INPP4B: variants seen among roughly 807,000 people sequenced by gnomAD.
INPP4B encodes inositol polyphosphate-4-phosphatase type II B.
A neutral mutation model predicts 122.5 loss-of-function variants in INPP4B; 55 were observed. That is an observed-to-expected ratio of 0.45 (90% CI 0.36 to 0.56). The LOEUF (loss-of-function observed/expected upper bound fraction) is 0.56. Ranked by LOEUF, INPP4B falls within the 20% of genes least tolerant of loss-of-function variation. The pLI, the probability that INPP4B is intolerant of heterozygous loss-of-function variation, is 0.00. For missense variants in INPP4B, 1,000 were observed against 1,097.7 expected, an observed-to-expected ratio of 0.91 and a Z score of 1.26; for synonymous variants, 403 against 388.7, an observed-to-expected ratio of 1.04 and a Z score of -0.43.
At chr4:142,706,808 C>T (rs1762529121) in intron 2 of INPP4B, among the ~76,000 whole-genome samples, 1 of 152,242 alleles carries the variant, frequency 6.6e-6, no homozygotes, top group Non-Finnish European at 1.5e-5. Flanking sequence ...GAATACAGGC[C>T]TTGTCTAAAG....
At chr4:142,062,492 T>C (rs1473822894) in intron 25 of INPP4B, among the ~76,000 whole-genome samples, 1 of 152,192 alleles carries the variant, frequency 6.6e-6, no homozygotes, top group South Asian at 2.1e-4. Flanking sequence ...CAGCAGCACT[T>C]TGGGAGGCTG....
chr4:142,289,372 T>C (rs571900576), intron 9 of INPP4B, among the ~76,000 whole-genome samples: 60 of 152,360 alleles, frequency 3.9e-4, no homozygotes, highest in African/African-American at 1.4e-3. Context: ...ATCTTTCTTT[T>C]TTAAAATTTC....
At chr4:142,260,444 A>C (rs1216003771) in intron 11 of INPP4B, 48 bp downstream of exon 11, 1 of 1,156,782 alleles carries the variant, frequency 8.6e-7, no homozygotes. Context: ...ACATAAAATT[A>C]AAATTCATTT....
At chr4:142,605,427 G>A (rs1403073691) in intron 2 of INPP4B, among the ~76,000 whole-genome samples, 3 of 151,756 alleles carry the variant, frequency 2.0e-5, no homozygotes, top group African/African-American at 7.3e-5. Flanking sequence ...TAGACAAATG[G>A]GACTATATTA....
At chr4:142,536,986 AG>A (rs974159484) in intron 2 of INPP4B, among the ~76,000 whole-genome samples, 14 of 151,968 alleles carry the variant, frequency 9.2e-5, no homozygotes, top group African/African-American at 2.9e-4. Context: ...TAGTAGAGAC[AG>A]GGTTTCACCA....
chr4:142,169,960 A>T (rs1377081701), intron 16 of INPP4B, among the ~76,000 whole-genome samples: 2 of 151,712 alleles, frequency 1.3e-5, no homozygotes, highest in Non-Finnish European at 3.0e-5. Flanking sequence ...TAGATTTCTG[A>T]GCTATGAGAG....
At chr4:142,655,560 C>T (rs922126658) in intron 2 of INPP4B, among the ~76,000 whole-genome samples, 1 of 151,982 alleles carries the variant, frequency 6.6e-6, no homozygotes, top group East Asian at 1.9e-4. Context: ...TTTTAAAAAC[C>T]CTGCACCTTA....
chr4:142,294,549 G>A (rs533886957), intron 9 of INPP4B, among the ~76,000 whole-genome samples: 57 of 152,056 alleles, frequency 3.7e-4, no homozygotes, highest in African/African-American at 1.2e-3. Context: ...GGACACGCAC[G>A]GGGAGCAATC....
At chr4:142,605,625 T>C (rs1032751773) in intron 2 of INPP4B, among the ~76,000 whole-genome samples, 1 of 151,290 alleles carries the variant, frequency 6.6e-6, no homozygotes, top group East Asian at 1.9e-4. Context: ...CGGTCATGAA[T>C]GCACATTTTT....
chr4:142,275,378 T>C (rs971423616), intron 9 of INPP4B, among the ~76,000 whole-genome samples: 4 of 151,828 alleles, frequency 2.6e-5, no homozygotes, highest in Admixed American at 1.3e-4. Flanking sequence ...AAACCATCAT[T>C]AGCACTGTCA....
intron 7 of INPP4B, among the ~76,000 whole-genome samples, chr4:142,356,370 G>A (rs2029991): frequency 0.28 from 41,846 of 150,618 alleles, 7,207 homozygotes; most frequent in South Asian, 0.39. Flanking sequence ...AGAGACAGGG[G>A]TCAAGTAAGG....
intron 1 of INPP4B, among the ~76,000 whole-genome samples, chr4:142,730,725 T>G (rs1221516729): frequency 6.6e-6 from 1 of 152,240 alleles, no homozygotes; most frequent in Non-Finnish European, 1.5e-5. Flanking sequence ...AGATATATTT[T>G]AAGTTCTTCA....
In INPP4B at chr4:142,341,954, C is replaced by G. The variant is rs79587898; in HGVS notation, c.373-27192G>C. On this transcript the variant is annotated intron_variant, in intron 7 of 25. Coordinates refer to ENST00000262992, the MANE Select transcript of INPP4B (RefSeq NM_001101669.3). ...CCTCCAGATGAGAACATAGCCCGTTCAACACCTTGACTATAGCCTTGTGAG... is the reference window on the plus strand; with the variant it reads ...CCTCCAGATGAGAACATAGCCCGTTGAACACCTTGACTATAGCCTTGTGAG... Among the ~76,000 whole-genome samples the G allele has an allele frequency of 8.9e-3, 1,355 of 152,248 alleles. 51 individuals are homozygous for G. Among genetic ancestry groups the G allele is most frequent in the East Asian group, 0.069 (356 of 5,156 alleles).
intron 21 of INPP4B, among the ~76,000 whole-genome samples, chr4:142,113,003 C>T (rs767497346): frequency 4.4e-4 from 67 of 152,004 alleles, no homozygotes; most frequent in Non-Finnish European, 7.4e-5. Context: ...TTTTAAAACT[C>T]AATCAGTCCT....
At chr4:142,709,939 T>C (rs890269365) in intron 2 of INPP4B, among the ~76,000 whole-genome samples, 5 of 152,228 alleles carry the variant, frequency 3.3e-5, no homozygotes, top group African/African-American at 1.2e-4. Context: ...ATCATTTCTA[T>C]TGGCGTACGC....
intron 1 of INPP4B, among the ~76,000 whole-genome samples, chr4:142,748,745 G>C (rs184975017): frequency 3.2e-4 from 49 of 151,674 alleles, no homozygotes; most frequent in African/African-American, 1.0e-3. Context: ...CTTTCCCACT[G>C]AGAAAGAAGG....
At chr4:142,328,780 T>C (rs1435726204) in intron 7 of INPP4B, among the ~76,000 whole-genome samples, 3 of 152,240 alleles carry the variant, frequency 2.0e-5, no homozygotes, top group Non-Finnish European at 2.9e-5. Flanking sequence ...ATAGTTAATA[T>C]AACTGTATAA....
chr4:142,368,840 A>C, intron 7 of INPP4B, among the ~76,000 whole-genome samples: 1 of 152,154 alleles, frequency 6.6e-6, no homozygotes, highest in Non-Finnish European at 1.5e-5. Flanking sequence ...ATGCCCAATC[A>C]TCTAGGAAGA....
chr4:142,117,612 G>A (rs1227866918), intron 21 of INPP4B, among the ~76,000 whole-genome samples: 1 of 152,006 alleles, frequency 6.6e-6, no homozygotes, highest in Non-Finnish European at 1.5e-5. Context: ...AAATTCAACA[G>A]CCTTTCATGA....
Sources: gnomAD v4.1 joint callset for allele counts (sites outside exome capture counted in the v4.1 genomes callset) on GRCh38, gnomAD v4.1.1 for gene constraint, MANE v1.5 for transcripts, NCBI Gene and HGNC (gene_info 2026-07-23, HGNC 2026-07-21) for gene names.